TTF1: variants seen among roughly 807,000 people sequenced by gnomAD.
TTF1 encodes transcription termination factor 1.
In TTF1, 64 loss-of-function variants were observed where a neutral mutation model predicts 80.2. That is an observed-to-expected ratio of 0.80 (90% CI 0.65 to 0.98). The LOEUF (loss-of-function observed/expected upper bound fraction) is 0.98, where lower values mean the gene tolerates loss of function less well. TTF1 is among the 50% of genes least tolerant of loss of function. The pLI is 0.00. For missense variants in TTF1, 1,023 were observed against 1,086.2 expected (o/e 0.94, Z 0.82); for synonymous variants, 372 against 382.7 (o/e 0.97, Z 0.33).
chr9:132,383,111 G>A (rs1170369743), intron 9 of TTF1, among the ~76,000 whole-genome samples: 2 of 151,720 alleles, frequency 1.3e-5, no homozygotes, highest in African/African-American at 4.8e-5. Context: ...AGCCAGGCAG[G>A]GTGGTGCATG....
At chr9:132,382,482 T>C (rs1468947344) in intron 9 of TTF1, among the ~76,000 whole-genome samples, 1 of 152,134 alleles carries the variant, frequency 6.6e-6, no homozygotes, top group Non-Finnish European at 1.5e-5. Flanking sequence ...ATCAGGAATA[T>C]GCTGTACTCC....
rs548289588 is a variant in TTF1, at chr9:132,390,501, C to A, written c.2222+96G>T. 1.1e-4 allele frequency: 132 copies of A among 1,202,564 alleles called. 1 individual carries two copies. Among genetic ancestry groups the A allele is most frequent in the South Asian group, 6.7e-4 (49 of 72,646 alleles). 74.5% of individuals were successfully genotyped at this position (1,202,564 alleles called of 1,614,324 possible). The stretch of plus-strand genomic sequence containing the variant: ...AGACTAGACACGATTGTTCTTGACA[C>A]GTCAGCTTCCCCACGGCAGTTACAC... On this transcript the variant is annotated intron_variant, in intron 7 of 10. Transcript: ENST00000334270.
In TTF1 at chr9:132,391,333, T is replaced by A. The variant is rs117200260; in HGVS notation, c.1988-502A>T. 2.0e-3 allele frequency among the ~76,000 whole-genome samples: 311 copies of A among 152,288 alleles called. 1 individual carries two copies. Among genetic ancestry groups the A allele is most frequent in the Admixed American group, 6.9e-3 (105 of 15,290 alleles). ...CCAAAGTATCAACGGTTCACCCTTC[T>A]TCACTAGAGACATTCACGGTCACGC... On this transcript the variant is annotated intron_variant, in intron 6 of 10. Coordinates refer to ENST00000334270, the MANE Select transcript of TTF1 (RefSeq NM_007344.4).
intron 10 of TTF1, among the ~76,000 whole-genome samples, chr9:132,378,135 TGTGA>T (rs1849271853): frequency 1.8e-5 from 2 of 111,222 alleles, no homozygotes; most frequent in African/African-American, 6.7e-5. Flanking sequence ...ATGTGGTGTG[TGTGA>T]GTGCATGTGG....
intron 8 of TTF1, among the ~76,000 whole-genome samples, chr9:132,387,697 G>C (rs1448769585): frequency 1.3e-5 from 2 of 148,204 alleles, no homozygotes; most frequent in Non-Finnish European, 3.1e-5. Context: ...CAACACTTTA[G>C]GGGGGACCCT....
intron 9 of TTF1, among the ~76,000 whole-genome samples, chr9:132,383,255 A>G (rs1849403758): frequency 6.6e-6 from 1 of 151,054 alleles, no homozygotes; most frequent in Admixed American, 6.6e-5. Flanking sequence ...GTCTTCAAAA[A>G]AAAAAAAAAA....
At position 132,400,973 on chromosome 9, in the gene TTF1, T is replaced by C. The variant is rs115655397; in HGVS notation, c.1367+482A>G. On this transcript the variant is annotated intron_variant, in intron 2 of 10. Transcript: ENST00000334270. ...TAAACTACCTGCCAAGTTTACACAA[T>C]TAAAGATGTACGATATTCTGTACAA... is the stretch of plus-strand genomic sequence containing the variant. Among the ~76,000 whole-genome samples, 1,112 of 152,292 alleles carry C rather than the reference T, an allele frequency of 7.3e-3. 11 individuals are homozygous for C. The highest frequency in any genetic ancestry group is 0.026 in the African/African-American group (1,064 of 41,560).
Position 132,377,119 on chromosome 9 carries a change from T to C in TTF1, c.2465-951A>G, listed in dbSNP as rs142399720. 1.7e-4 allele frequency among the ~76,000 whole-genome samples: 26 copies of C among 152,292 alleles called. No individual in the cohort carries two copies. In the East Asian group the frequency reaches 4.4e-3, roughly 26 times the overall value. ...TGGAATATGTGTATGCTTCTGTGTA[T>C]GTGTGTACATGCATGTGGTGTGTGT... On this transcript the variant is annotated intron_variant, in intron 10 of 10. Coordinates refer to ENST00000334270, the MANE Select transcript of TTF1 (RefSeq NM_007344.4).
chr9:132,392,312 G>A, intron 5 of TTF1, 106 bp from the exon 6 acceptor site: 1 of 1,368,672 alleles, frequency 7.3e-7, no homozygotes, highest in African/African-American at 1.4e-5. Context: ...AATGGGGCAG[G>A]CTGTCAGGGA....
At chr9:132,390,903 GATAA>G (rs1223665487) in intron 6 of TTF1, 72 bp from the exon 7 acceptor site, 1 of 1,396,600 alleles carries the variant, frequency 7.2e-7, no homozygotes, top group Non-Finnish European at 9.8e-7. Context: ...AAAATGAAAT[GATAA>G]ATCGGGTACT....
Position 132,401,440 on chromosome 9 carries a change from C to A in TTF1, c.1367+15G>T. On this transcript the variant is annotated intron_variant, in intron 2 of 10. Transcript: ENST00000334270. ...AAGAAATATACCAGCAGCTGGAATACCACTCCCTCGTTACCTTGGCGCCTC... is the reference window on the plus strand; with the variant it reads ...AAGAAATATACCAGCAGCTGGAATAACACTCCCTCGTTACCTTGGCGCCTC... 6.3e-6 allele frequency: 10 copies of A among 1,589,232 alleles called. No individual in the cohort carries two copies. The highest frequency in any genetic ancestry group is 8.6e-6 in the Non-Finnish European group (10 of 1,167,070).
At chr9:132,377,192 C>T (rs1225665868) in intron 10 of TTF1, among the ~76,000 whole-genome samples, 1 of 121,532 alleles carries the variant, frequency 8.2e-6, no homozygotes, top group African/African-American at 3.4e-5. Context: ...TGAGTGCATG[C>T]ATGTGGTGTG....
In TTF1 at chr9:132,375,662, A is replaced by G; in HGVS notation, c.*253T>C. On this transcript the variant is annotated 3_prime_UTR_variant, in exon 11 of 11. Coordinates refer to ENST00000334270, the MANE Select transcript of TTF1 (RefSeq NM_007344.4). ...TATTAAACATCAATACTGAAAACAG[A>G]TTTACTGACATATGTATATAAATAT... 1 of 346,060 alleles carries G rather than the reference A, an allele frequency of 2.9e-6. No individual in the cohort carries two copies. Among genetic ancestry groups the G allele is most frequent in the Non-Finnish European group, 5.3e-6 (1 of 187,228 alleles). 21.4% of individuals were successfully genotyped at this position (346,060 alleles called of 1,614,324 possible).
At chr9:132,388,302 T>A in intron 7 of TTF1, 74 bp from the exon 8 acceptor site, 1 of 1,107,458 alleles carries the variant, frequency 9.0e-7, no homozygotes, top group Non-Finnish European at 1.3e-6. Flanking sequence ...ATATTTTTCT[T>A]ATCTAAATTG....
intron 10 of TTF1, among the ~76,000 whole-genome samples, chr9:132,378,584 TGTGAATGCATGTG>T (rs1187570940): frequency 3.6e-5 from 4 of 111,256 alleles, no homozygotes; most frequent in Non-Finnish European, 5.1e-5. Flanking sequence ...GCATGTGGTG[TGTGAATGCATGTG>T]GTGTGAGTGC....
At chr9:132,403,696 A>G (rs1275968407) in intron 1 of TTF1, among the ~76,000 whole-genome samples, 9 of 152,216 alleles carry the variant, frequency 5.9e-5, no homozygotes, top group Admixed American at 5.2e-4. Context: ...GAAAAAAGAA[A>G]ACAAGGAAGA....
Position 132,402,079 on chromosome 9 carries a change from G to A in TTF1, c.743C>T (p.Thr248Ile). ...AGTAGGCTGGGATTCCTGCATATCAGTCCCGGCCTCTCTGCCTGCTTGCGA... is the reference window on the plus strand; with the variant it reads ...AGTAGGCTGGGATTCCTGCATATCAATCCCGGCCTCTCTGCCTGCTTGCGA... ...EGSQAGREAG[T>I]DMQESQPTVG... The change falls in exon 2 of 11, where the codon ACT becomes ATT. Residue 248 changes from threonine to isoleucine, a missense_variant. Thr to Ile is a moderately conservative substitution (Grantham distance 89). Coordinates refer to ENST00000334270, the MANE Select transcript of TTF1 (RefSeq NM_007344.4). The A allele has an allele frequency of 6.2e-7, 1 of 1,614,058 alleles. No individual in the cohort carries two copies. The highest frequency in any genetic ancestry group is 8.5e-7 in the Non-Finnish European group (1 of 1,180,024).
rs764936233 is a variant in TTF1, at chr9:132,400,131, G to A, written c.1495C>T (p.Gln499Ter). The part of the protein sequence containing the change: ...ADLGSAVKQL[Q>*]EFIPNIKDRA... ...TCCTTGATGTTAGGAATGAACTCCT[G>A]AAGCTGTTTCACGGCAGAACCCAAA... The change falls in exon 3 of 11, where the codon CAG becomes TAG. Residue 499 changes from glutamine (Q) to a stop codon, truncating the protein, a stop_gained. Transcript: ENST00000334270. LOFTEE classifies it high-confidence loss of function. 18 of 1,614,170 alleles carry A rather than the reference G, an allele frequency of 1.1e-5. No individual in the cohort carries two copies. Among genetic ancestry groups the A allele is most frequent in the Non-Finnish European group, 1.5e-5 (18 of 1,180,028 alleles).
Position 132,396,529 on chromosome 9 carries a change from G to A in TTF1, c.1778-18C>T, listed in dbSNP as rs770749424. Reference sequence around the variant, plus strand: ...GTTCCTACCTAAAGTCAGAAGAAAGGTGATCAGAGGGACTCACATGAAATG... The same window carrying A: ...GTTCCTACCTAAAGTCAGAAGAAAGATGATCAGAGGGACTCACATGAAATG... On this transcript the variant is annotated intron_variant, in intron 4 of 10. Transcript: ENST00000334270. 10 of 1,609,530 alleles carry A rather than the reference G, an allele frequency of 6.2e-6. No individual in the cohort carries two copies. The East Asian group carries it at 2.2e-4, about 36-fold the overall frequency.
Sources: gnomAD v4.1 joint callset for allele counts (sites outside exome capture counted in the v4.1 genomes callset) on GRCh38, gnomAD v4.1.1 for gene constraint, MANE v1.5 for transcripts, NCBI Gene and HGNC (gene_info 2026-07-23, HGNC 2026-07-21) for gene names.